PCDH9: variants seen among roughly 807,000 people sequenced by gnomAD.
PCDH9 encodes the protein protocadherin 9, also known as protocadherin-9.
A neutral mutation model predicts 70.6 loss-of-function variants in PCDH9; 24 were observed. The ratio of observed to expected loss-of-function variants is 0.34; its 90% CI spans 0.25 to 0.48. The LOEUF (loss-of-function observed/expected upper bound fraction) is 0.48. Among genes scored for constraint, PCDH9 ranks in the 20% least tolerant of loss-of-function variants. PCDH9 has a pLI of 0.99. For synonymous variants in PCDH9, 562 were observed against 558.5 expected (o/e 1.01, Z -0.09); for missense variants, 1,281 against 1,503.6 (o/e 0.85, Z 2.45).
At chr13:67,042,652 T>C (rs1425056181) in intron 2 of PCDH9, among the ~76,000 whole-genome samples, 1 of 152,230 alleles carries the variant, frequency 6.6e-6, no homozygotes, top group Non-Finnish European at 1.5e-5. Context: ...AGCAATTGTC[T>C]TTCTTACTAT....
chr13:66,879,197 T>C (rs533160688), intron 3 of PCDH9, among the ~76,000 whole-genome samples: 118 of 152,302 alleles, frequency 7.7e-4, no homozygotes, highest in Non-Finnish European at 1.3e-3. Flanking sequence ...ATATGCACAA[T>C]TATTAATTAT....
At chr13:66,831,518 G>T (rs2080924933) in intron 3 of PCDH9, among the ~76,000 whole-genome samples, 1 of 152,126 alleles carries the variant, frequency 6.6e-6, no homozygotes, top group Admixed American at 6.5e-5. Context: ...TCAGGAAGAT[G>T]ACACCGACAC....
chr13:66,640,441 T>C (rs2077693711), intron 3 of PCDH9, among the ~76,000 whole-genome samples: 1 of 152,128 alleles, frequency 6.6e-6, no homozygotes, highest in African/African-American at 2.4e-5. Flanking sequence ...TTGCAGCTTT[T>C]AGGACATAGC....
At chr13:67,187,497 T>C (rs953416473) in intron 2 of PCDH9, among the ~76,000 whole-genome samples, 1 of 152,180 alleles carries the variant, frequency 6.6e-6, no homozygotes, top group Non-Finnish European at 1.5e-5. Flanking sequence ...ATGGTACAGC[T>C]ACAAAATGCT....
chr13:66,861,234 T>C lies in PCDH9; in HGVS notation c.3138+42270A>G, dbSNP rs968446353. On this transcript the variant is annotated intron_variant, in intron 3 of 4. Transcript: ENST00000377865. ...AGTTAAGTGCGGCACTTTCAGTTCA[T>C]CCAGCATAAATATCAGTGCCAAGGC... Among the ~76,000 whole-genome samples the C allele has an allele frequency of 1.8e-4, 27 of 152,156 alleles. 1 individual carries two copies. The highest frequency in any genetic ancestry group is 3.2e-3 in the Middle Eastern group (1 of 316).
chr13:66,964,220 C>T (rs781739105), intron 2 of PCDH9, among the ~76,000 whole-genome samples: 5 of 151,852 alleles, frequency 3.3e-5, no homozygotes, highest in Non-Finnish European at 5.9e-5. Flanking sequence ...GAACATAATG[C>T]TGTCTAATGC....
chr13:66,532,974 A>T (rs1464042614), intron 4 of PCDH9, among the ~76,000 whole-genome samples: 1 of 152,164 alleles, frequency 6.6e-6, no homozygotes, highest in South Asian at 2.1e-4. Context: ...CATGACTGAA[A>T]CTATCTCTGA....
At position 66,852,896 on chromosome 13, in the gene PCDH9, A is replaced by G. The variant is rs188272380; in HGVS notation, c.3138+50608T>C. Among the ~76,000 whole-genome samples the G allele has an allele frequency of 8.0e-3, 1,204 of 150,960 alleles. 11 individuals are homozygous for G. Among genetic ancestry groups the G allele is most frequent in the African/African-American group, 0.027 (1,123 of 41,206 alleles). ...GGAGGTGACATCCACATATCTATAC[A>G]TTTTTTTTTAACAATAGAGTCCTTA... On this transcript the variant is annotated intron_variant, in intron 3 of 4. Coordinates refer to ENST00000377865, the MANE Select transcript of PCDH9 (RefSeq NM_203487.3).
chr13:66,525,610 T>C (rs1319310207), intron 4 of PCDH9, among the ~76,000 whole-genome samples: 1 of 152,108 alleles, frequency 6.6e-6, no homozygotes, highest in Non-Finnish European at 1.5e-5. Flanking sequence ...GCCCACTTAC[T>C]CATTCTTGCT....
intron 4 of PCDH9, among the ~76,000 whole-genome samples, chr13:66,554,836 T>C: frequency 6.6e-6 from 1 of 152,070 alleles, no homozygotes; most frequent in East Asian, 1.9e-4. Flanking sequence ...ATAAAGAACA[T>C]AATATACAAT....
intron 4 of PCDH9, among the ~76,000 whole-genome samples, chr13:66,341,214 T>A (rs1956118138): frequency 6.6e-6 from 1 of 151,866 alleles, no homozygotes. Flanking sequence ...CACCTCAGCA[T>A]CCCCCGTAGC....
In PCDH9 at chr13:67,192,406, C is replaced by T. The variant is rs376045974; in HGVS notation, c.3036+32999G>A. ...ATCTCTCTTCTAAAGGTTTCTCTGA[C>T]GATCCCAGTCAGAAATAATAGCTTC... On this transcript the variant is annotated intron_variant, in intron 2 of 4. Transcript: ENST00000377865. 1.2e-3 allele frequency among the ~76,000 whole-genome samples: 179 copies of T among 152,242 alleles called. 1 individual carries two copies. The highest frequency in any genetic ancestry group is 3.8e-3 in the African/African-American group (159 of 41,562).
intron 2 of PCDH9, among the ~76,000 whole-genome samples, chr13:67,173,015 A>G (rs1247713443): frequency 2.0e-5 from 3 of 152,130 alleles, no homozygotes; most frequent in Admixed American, 6.5e-5. Context: ...CCAAACAGCT[A>G]AAGTCTAAAA....
At chr13:66,992,288 G>T (rs1046973453) in intron 2 of PCDH9, among the ~76,000 whole-genome samples, 8 of 152,134 alleles carry the variant, frequency 5.3e-5, no homozygotes, top group African/African-American at 1.9e-4. Context: ...TATGCTAGTG[G>T]TGAGAGTGCA....
intron 4 of PCDH9, among the ~76,000 whole-genome samples, chr13:66,548,661 G>C (rs144148076): frequency 6.6e-6 from 1 of 151,964 alleles, no homozygotes; most frequent in Non-Finnish European, 1.5e-5. Context: ...TGTTATGATC[G>C]TAATAACTAT....
chr13:66,897,242 GGAGGGAGGGAAGAAAGGAAGA>G (rs2082197835), intron 3 of PCDH9, among the ~76,000 whole-genome samples: 3 of 149,504 alleles, frequency 2.0e-5, no homozygotes, highest in African/African-American at 7.7e-5. Context: ...AGAAAGGAAA[GGAGGGAGGGAAGAAAGGAAGA>G]GAGGGAGGGA....
intron 2 of PCDH9, among the ~76,000 whole-genome samples, chr13:67,038,232 A>T (rs946352468): frequency 2.6e-5 from 4 of 152,212 alleles, no homozygotes; most frequent in African/African-American, 9.6e-5. Flanking sequence ...TCCACTTGGA[A>T]TCAAGGAAAT....
chr13:66,471,857 C>T (rs1958625063), intron 4 of PCDH9, among the ~76,000 whole-genome samples: 1 of 152,084 alleles, frequency 6.6e-6, no homozygotes, highest in Non-Finnish European at 1.5e-5. Flanking sequence ...TTTCCAATAT[C>T]TGGGTTATTT....
In PCDH9 at chr13:67,226,155, C is replaced by T. The variant is rs140996034; in HGVS notation, c.2286G>A (p.Lys762=). ...ATACAAGCACAAGCGTGTGCAAAGACTTAGGGTACCCCAGGTCACTTATGT... is the reference window on the plus strand; with the variant it reads ...ATACAAGCACAAGCGTGTGCAAAGATTTAGGGTACCCCAGGTCACTTATGT... The part of the protein sequence containing the change: ...VVNISDLGYP[K]SLHTLVLVFL... The change falls in exon 2 of 5, where the codon AAG becomes AAA. Residue 762 remains lysine (K), a synonymous_variant. Coordinates refer to ENST00000377865, the MANE Select transcript of PCDH9 (RefSeq NM_203487.3). The surrounding 1 kb of genome is among the most constrained non-coding windows in gnomAD (Gnocchi z 5.0). 6.8e-6 allele frequency: 11 copies of T among 1,614,160 alleles called. No homozygotes were observed. Among genetic ancestry groups the T allele is most frequent in the Non-Finnish European group, 8.5e-6 (10 of 1,180,022 alleles).
Sources: gnomAD v4.1 joint callset for allele counts (sites outside exome capture counted in the v4.1 genomes callset) on GRCh38, gnomAD v4.1.1 for gene constraint, Gnocchi (gnomAD v3.1) non-coding constraint, MANE v1.5 for transcripts, NCBI Gene and HGNC (gene_info 2026-07-23, HGNC 2026-07-21) for gene names.